The following TTC28 variants were observed in gnomAD, a reference collection of about 807,000 sequenced individuals.
The protein encoded by TTC28 is tetratricopeptide repeat protein 28.
Under a neutral mutation model 198.0 loss-of-function variants are expected in TTC28, and 61 were observed. The ratio of observed to expected loss-of-function variants is 0.31; its 90% confidence interval spans 0.25 to 0.38. The LOEUF is 0.38. TTC28 is among the 10% of genes least tolerant of loss of function. TTC28 has a pLI of 1.00. For synonymous variants in TTC28, 1,171 were observed against 1,297.8 expected (o/e 0.90, Z 2.10); for missense variants, 2,678 against 3,164.0 (o/e 0.85, Z 3.69).
chr22:28,633,678 T>C (rs1309799011), intron 1 of TTC28, among the ~76,000 whole-genome samples: 1 of 152,070 alleles, frequency 6.6e-6, no homozygotes, highest in African/African-American at 2.4e-5. Context: ...CCAACACAGA[T>C]AAGAATCAAA....
chr22:28,047,246 C>G (rs1374111361), intron 12 of TTC28, among the ~76,000 whole-genome samples: 1 of 152,194 alleles, frequency 6.6e-6, no homozygotes, highest in Admixed American at 6.5e-5. Context: ...AGAACTGAAG[C>G]CTGACCCTTG....
At chr22:28,337,957 A>AT (rs1260530086) in intron 2 of TTC28, among the ~76,000 whole-genome samples, 1 of 152,158 alleles carries the variant, frequency 6.6e-6, no homozygotes, top group Non-Finnish European at 1.5e-5. Flanking sequence ...ACAATTTGGC[A>AT]TGTTTTTGCA....
At chr22:28,215,826 G>A (rs1015848037) in intron 5 of TTC28, among the ~76,000 whole-genome samples, 9 of 152,076 alleles carry the variant, frequency 5.9e-5, no homozygotes, top group Non-Finnish European at 1.2e-4. Flanking sequence ...CATTAGGAAT[G>A]GTGCAAATAT....
intron 2 of TTC28, among the ~76,000 whole-genome samples, chr22:28,535,304 A>C (rs1197680888): frequency 6.6e-6 from 1 of 152,190 alleles, no homozygotes; most frequent in Non-Finnish European, 1.5e-5. Context: ...ACAAAGCAAG[A>C]TATTGAACAT....
intron 12 of TTC28, among the ~76,000 whole-genome samples, chr22:28,041,116 A>C (rs1304748974): frequency 6.6e-6 from 1 of 152,244 alleles, no homozygotes; most frequent in East Asian, 1.9e-4. Context: ...TTCCATGCTC[A>C]TGGATAGGAA....
chr22:28,326,975 A>AACACACACACAC (rs57349023), intron 2 of TTC28, among the ~76,000 whole-genome samples: 16 of 142,926 alleles, frequency 1.1e-4, no homozygotes, highest in African/African-American at 4.3e-4. Context: ...CACAAACACA[A>AACACACACACAC]ACACACACAC....
intron 5 of TTC28, among the ~76,000 whole-genome samples, chr22:28,166,772 C>T (rs942014676): frequency 2.0e-5 from 3 of 152,000 alleles, no homozygotes; most frequent in African/African-American, 7.3e-5. Flanking sequence ...ACTAGAGAAG[C>T]AAGAGCAAAC....
intron 2 of TTC28, among the ~76,000 whole-genome samples, chr22:28,360,608 ATTTTC>A (rs894415068): frequency 1.3e-5 from 2 of 152,088 alleles, no homozygotes; most frequent in African/African-American, 4.8e-5. Flanking sequence ...AGAAACATTA[ATTTTC>A]TTTTATCACC....
At chr22:28,646,875 G>A (rs541071669) in intron 1 of TTC28, among the ~76,000 whole-genome samples, 13 of 147,802 alleles carry the variant, frequency 8.8e-5, no homozygotes, top group African/African-American at 3.2e-4. Context: ...AGAAAGAAAG[G>A]AAAGAATGGA....
At chr22:27,994,934 G>C (rs1937525569) in intron 17 of TTC28, among the ~76,000 whole-genome samples, 1 of 152,296 alleles carries the variant, frequency 6.6e-6, no homozygotes, top group East Asian at 1.9e-4. Flanking sequence ...TAACAGTGGA[G>C]AGGGCCTCCC....
chr22:28,460,113 T>C (rs913215185), intron 2 of TTC28, among the ~76,000 whole-genome samples: 1 of 152,226 alleles, frequency 6.6e-6, no homozygotes, highest in Non-Finnish European at 1.5e-5. Context: ...GCTATTTGTC[T>C]ATCTAGTTTT....
chr22:28,496,193 C>T (rs1436768392), intron 2 of TTC28, among the ~76,000 whole-genome samples: 2 of 152,058 alleles, frequency 1.3e-5, no homozygotes, highest in Admixed American at 6.6e-5. Context: ...TCCTTGGGCC[C>T]CTTTACCATT....
intron 12 of TTC28, among the ~76,000 whole-genome samples, chr22:28,085,768 C>T (rs1397291890): frequency 5.3e-5 from 8 of 151,962 alleles, no homozygotes; most frequent in South Asian, 2.1e-4. Flanking sequence ...AGGAAACCCA[C>T]CTCACGTGCA....
chr22:28,472,727 G>A (rs2048114137), intron 2 of TTC28, among the ~76,000 whole-genome samples: 1 of 151,824 alleles, frequency 6.6e-6, no homozygotes, highest in Admixed American at 6.6e-5. Flanking sequence ...AAAACAGGGA[G>A]GAAATGATCA....
At chr22:28,373,533 T>A (rs2046367460) in intron 2 of TTC28, among the ~76,000 whole-genome samples, 1 of 152,236 alleles carries the variant, frequency 6.6e-6, no homozygotes, top group African/African-American at 2.4e-5. Context: ...CTGTTCAACA[T>A]ATGCACTCAC....
chr22:28,504,429 TACAC>T (rs1460933627), intron 2 of TTC28, among the ~76,000 whole-genome samples: 3 of 152,128 alleles, frequency 2.0e-5, no homozygotes, highest in Non-Finnish European at 4.4e-5. Context: ...TATACATACA[TACAC>T]ATACATATGT....
At chr22:28,153,034 C>A (rs891748333) in intron 6 of TTC28, among the ~76,000 whole-genome samples, 1 of 151,992 alleles carries the variant, frequency 6.6e-6, no homozygotes, top group Non-Finnish European at 1.5e-5. Flanking sequence ...AGCTAAGGTA[C>A]GATATGGATG....
At chr22:28,679,131 T>C (rs1161521417) in intron 1 of TTC28, among the ~76,000 whole-genome samples, 2 of 152,022 alleles carry the variant, frequency 1.3e-5, no homozygotes, top group Non-Finnish European at 2.9e-5. Flanking sequence ...AAAACAACGC[T>C]CTTTGATGAG....
In TTC28 at chr22:28,132,452, G is replaced by T. The variant is rs117637023; in HGVS notation, c.1442-24049C>A. Among the ~76,000 whole-genome samples the T allele has an allele frequency of 2.8e-4, 42 of 152,294 alleles. 1 individual carries two copies. The East Asian group carries it at 7.9e-3, about 29-fold the overall frequency. ...AGAAATGCGTTCTCTTCTTGGCTCA[G>T]TATAAATCTGTTGTGTGATCTCATG... On this transcript the variant is annotated intron_variant, in intron 6 of 22. Transcript: ENST00000397906.
Sources: gnomAD v4.1 joint callset for allele counts (sites outside exome capture counted in the v4.1 genomes callset) on GRCh38, gnomAD v4.1.1 for gene constraint, MANE v1.5 for transcripts, NCBI Gene and HGNC (gene_info 2026-07-23, HGNC 2026-07-21) for gene names.